Variants in PCDHA2 observed in about 807,000 individuals in gnomAD.
PCDHA2 encodes the protein protocadherin alpha-2.
Under a neutral mutation model 66.0 loss-of-function variants are expected in PCDHA2, and 58 were observed. The observed-to-expected ratio is 0.88, with a 90% CI of 0.71 to 1.09. The LOEUF is 1.09. Among genes scored for constraint, PCDHA2 ranks in the 50% least tolerant of loss-of-function variants. The pLI, the probability that PCDHA2 is intolerant of heterozygous loss-of-function variation, is 0.00. For synonymous variants in PCDHA2, 634 were observed against 554.0 expected, an observed-to-expected ratio of 1.14 and a Z score of -2.03; for missense variants, 1,267 against 1,242.3, an observed-to-expected ratio of 1.02 and a Z score of -0.30.
rs782448071 is a variant in PCDHA2 at position 140,858,265 on chromosome 5, C to T, written c.2388+60913C>T. The T allele has an allele frequency of 4.1e-5, 66 of 1,597,068 alleles. 7 individuals carry two copies. Among genetic ancestry groups the T allele is most frequent in the Non-Finnish European group, 5.4e-5 (63 of 1,166,972 alleles). ...GGCCGGTGAAGCCCACGCTGGTGTG[C>T]TCTAGCGCGGTGGGGAGCTGGTCTT... On this transcript the variant is annotated intron_variant, in intron 1 of 3. Coordinates refer to ENST00000526136, the MANE Select transcript of PCDHA2 (RefSeq NM_018905.3).
chr5:140,795,976 T>C lies in PCDHA2; in HGVS notation c.1012T>C (p.Leu338=). The change falls in exon 1 of 4, where the codon TTA becomes CTA. Residue 338 remains leucine, a synonymous_variant. Transcript: ENST00000526136. ...AATGTCAGGACATTGTAAAATTTCA[T>C]TAAAACTTGTGGACATCAATGATAA... The part of the protein sequence containing the change: ...PSMSGHCKIS[L]KLVDINDNTP... The C allele has an allele frequency of 6.2e-7, 1 of 1,614,100 alleles. No individual in the cohort carries two copies. The highest frequency in any genetic ancestry group is 8.5e-7 in the Non-Finnish European group (1 of 1,180,014).
intron 1 of PCDHA2, chr5:140,812,287 T>A (rs1262930138): frequency 5.3e-5 from 8 of 152,076 alleles, no homozygotes; most frequent in Non-Finnish European, 1.0e-4. Flanking sequence ...GGTTATTGAA[T>A]TTTTTGGTAT....
chr5:140,796,337 C>G lies in PCDHA2; in HGVS notation c.1373C>G (p.Pro458Arg), dbSNP rs1351448995. Reference protein sequence around the residue: ...VNDNAPAFAQPEYTVFVKENN... With the variant: ...VNDNAPAFAQREYTVFVKENN... Reference sequence around the variant, plus strand: ...GACAACGCGCCGGCGTTCGCACAGCCTGAGTACACAGTATTCGTGAAGGAG... The same window carrying G: ...GACAACGCGCCGGCGTTCGCACAGCGTGAGTACACAGTATTCGTGAAGGAG... Residue 458 changes from proline (P) to arginine (R), a missense_variant, in exon 1 of 4, where the codon CCT (proline) becomes CGT (arginine). By Grantham distance (103) the Pro-to-Arg change is moderately radical (BLOSUM62 -2). Transcript: ENST00000526136. 40 of 1,613,986 alleles carry G rather than the reference C, an allele frequency of 2.5e-5. No individual in the cohort carries two copies. The highest frequency in any genetic ancestry group is 3.4e-5 in the Non-Finnish European group (40 of 1,179,992).
Position 140,835,484 on chromosome 5 carries a change from C to A in PCDHA2, c.2388+38132C>A, listed in dbSNP as rs2150236532. On this transcript the variant is annotated intron_variant, in intron 1 of 3. Coordinates refer to ENST00000526136, the MANE Select transcript of PCDHA2 (RefSeq NM_018905.3). ...TTCCAGAGGACGCCCAACCAGGTAC[C>A]GTCATCACATTGATTAGCGTGTTTG... The A allele has an allele frequency of 3.7e-6, 6 of 1,613,808 alleles. No individual in the cohort carries two copies. The African/African-American group carries it at 6.7e-5, about 18-fold the overall frequency.
At chr5:140,902,540 C>T (rs2069538388) in intron 1 of PCDHA2, among the ~76,000 whole-genome samples, 1 of 151,900 alleles carries the variant, frequency 6.6e-6, no homozygotes, top group South Asian at 2.1e-4. Context: ...GAGGTATGTT[C>T]CTTCTATACC....
intron 1 of PCDHA2, chr5:140,822,926 T>C: frequency 6.2e-7 from 1 of 1,614,226 alleles, no homozygotes; most frequent in Middle Eastern, 1.6e-4. Context: ...AACGGGCAGG[T>C]GACCTGCTCC....
At chr5:140,831,993 C>A (rs1438404433) in intron 1 of PCDHA2, among the ~76,000 whole-genome samples, 1 of 152,120 alleles carries the variant, frequency 6.6e-6, no homozygotes, top group East Asian at 1.9e-4. Flanking sequence ...TTACGGATTC[C>A]ATATTGTTTT....
intron 3 of PCDHA2, among the ~76,000 whole-genome samples, chr5:141,005,998 G>A (rs1289174174): frequency 1.3e-5 from 2 of 151,618 alleles, no homozygotes; most frequent in Non-Finnish European, 2.9e-5. Flanking sequence ...GGATCTGAAA[G>A]AAGGCCTGTA....
chr5:141,001,278 C>T (rs182360019), intron 3 of PCDHA2, among the ~76,000 whole-genome samples: 500 of 152,168 alleles, frequency 3.3e-3, no homozygotes, highest in Admixed American at 5.6e-3. Context: ...ACTTTTTTTA[C>T]GGATGAAAAC....
At chr5:140,856,260 G>T (rs782445424) in intron 1 of PCDHA2, 1 of 1,598,174 alleles carries the variant, frequency 6.3e-7, no homozygotes, top group Non-Finnish European at 8.6e-7. Context: ...AAAAGACACG[G>T]GGACCTTCTG....
intron 1 of PCDHA2, chr5:140,882,334 A>G: frequency 1.2e-6 from 2 of 1,614,176 alleles, no homozygotes; most frequent in Non-Finnish European, 1.7e-6. Flanking sequence ...TGATCCTCGC[A>G]GCCTGGGAGA....
At chr5:140,800,968 A>T in intron 1 of PCDHA2, 1 of 1,214,706 alleles carries the variant, frequency 8.2e-7, no homozygotes, top group Non-Finnish European at 1.1e-6. Context: ...AAAAGAAGAT[A>T]CGTTTACATA....
intron 1 of PCDHA2, among the ~76,000 whole-genome samples, chr5:140,817,910 A>T (rs191230679): frequency 5.8e-4 from 89 of 152,298 alleles, no homozygotes; most frequent in Admixed American, 5.7e-3. Context: ...ATGACATTCC[A>T]TGGTCTTCTT....
At position 140,805,030 on chromosome 5, in the gene PCDHA2, TAG is replaced by T. The variant is rs782585317; in HGVS notation, c.2388+7681_2388+7682del. ...TCTGTTATCAGCTTCTTGAATATAA[TAG>T]AGTCAGCCAAAGTACTTGTCTTCCC... On this transcript the variant is annotated intron_variant, in intron 1 of 3. Coordinates refer to ENST00000526136, the MANE Select transcript of PCDHA2 (RefSeq NM_018905.3). The T allele has an allele frequency of 2.5e-6, 4 of 1,581,854 alleles. No homozygotes were observed. In the Admixed American group the frequency reaches 6.9e-5, roughly 27 times the overall value.
intron 1 of PCDHA2, among the ~76,000 whole-genome samples, chr5:140,908,078 A>T (rs1047293736): frequency 6.6e-6 from 1 of 152,202 alleles, no homozygotes; most frequent in Non-Finnish European, 1.5e-5. Context: ...AAAGTGCACA[A>T]CCAGGTGCAC....
intron 1 of PCDHA2, chr5:140,858,899 C>G (rs1236968449): frequency 4.9e-6 from 1 of 203,942 alleles, no homozygotes; most frequent in South Asian, 8.1e-5. Context: ...ATATGTGTAG[C>G]GTACCACAGC....
intron 1 of PCDHA2, among the ~76,000 whole-genome samples, chr5:140,934,475 A>G (rs1554209923): frequency 6.6e-6 from 1 of 152,172 alleles, no homozygotes; most frequent in African/African-American, 2.4e-5. Context: ...ATTATTTTGA[A>G]AATTATATTC....
In PCDHA2 at chr5:140,870,516, C is replaced by A. The variant is rs568100247; in HGVS notation, c.2388+73164C>A. The A allele has an allele frequency of 2.2e-4, 361 of 1,614,240 alleles. 3 individuals carry two copies. In the South Asian group the frequency reaches 3.8e-3, roughly 17 times the overall value. ...TGAAGGAGAACAACCCACCAGGCTG[C>A]CACATCTTCACAGTGTCGGCGCGGG... is the stretch of plus-strand genomic sequence containing the variant. On this transcript the variant is annotated intron_variant, in intron 1 of 3. Coordinates refer to ENST00000526136, the MANE Select transcript of PCDHA2 (RefSeq NM_018905.3).
rs1762070988 is a variant in PCDHA2 at position 140,796,340 on chromosome 5, A to T, written c.1376A>T (p.Glu459Val). 10 of 1,610,400 alleles carry T rather than the reference A, an allele frequency of 6.2e-6. No homozygotes were observed. The highest frequency in any genetic ancestry group is 8.5e-6 in the Non-Finnish European group (10 of 1,178,904). ...NDNAPAFAQP[E>V]YTVFVKENNP... ...AACGCGCCGGCGTTCGCACAGCCTG[A>T]GTACACAGTATTCGTGAAGGAGAAC... is the stretch of plus-strand genomic sequence containing the variant. Residue 459 changes from glutamate to valine, a missense_variant, in exon 1 of 4, where the codon GAG (glutamate) becomes GTG (valine). By Grantham distance (121) the Glu-to-Val change is moderately radical (BLOSUM62 -2). Coordinates refer to ENST00000526136, the MANE Select transcript of PCDHA2 (RefSeq NM_018905.3).
Sources: gnomAD v4.1 joint callset for allele counts (sites outside exome capture counted in the v4.1 genomes callset) on GRCh38, gnomAD v4.1.1 for gene constraint, MANE v1.5 for transcripts, NCBI Gene and HGNC (gene_info 2026-07-23, HGNC 2026-07-21) for gene names.